Variants in SEPTIN7 observed in about 807,000 individuals in gnomAD.
The protein encoded by SEPTIN7 is septin 7.
SEPTIN7 carries 10 observed loss-of-function variants against 63.3 expected under a neutral mutation model. The ratio of observed to expected loss-of-function variants is 0.16; its 90% CI spans 0.10 to 0.27. The LOEUF is 0.27. Among genes scored for constraint, SEPTIN7 ranks in the 10% least tolerant of loss-of-function variants. The pLI is 1.00. For synonymous variants in SEPTIN7, 131 were observed against 165.3 expected (o/e 0.79, Z 1.59); for missense variants, 310 against 521.0 (o/e 0.59, Z 3.94).
rs1784574311 is a variant in SEPTIN7 at position 35,844,781 on chromosome 7, TTA to T, written c.169+11882_169+11883del. Among the ~76,000 whole-genome samples, 3 of 152,154 alleles carry T rather than the reference TTA, an allele frequency of 2.0e-5. No homozygotes were observed. The South Asian group carries it at 6.2e-4, about 32-fold the overall frequency. ...CCACACCAGGCTAATTTTTGTATTT[TTA>T]GTAAAGACAGGATTTCACCATGTTG... On this transcript the variant is annotated intron_variant, in intron 3 of 13. Coordinates refer to ENST00000350320, the MANE Select transcript of SEPTIN7 (RefSeq NM_001788.6).
rs188422849 is a variant in SEPTIN7, at chr7:35,871,485, A to G, written c.277-1181A>G. Among the ~76,000 whole-genome samples the G allele has an allele frequency of 3.3e-5, 5 of 152,370 alleles. No individual in the cohort carries two copies. In the East Asian group the frequency reaches 9.6e-4, roughly 29 times the overall value. ...CATGGACAAGTGGAAGGTGGTGTTC[A>G]GTTGCTGCTCATAATAGTTGATACC... On this transcript the variant is annotated intron_variant, in intron 4 of 13. Transcript: ENST00000350320.
At chr7:35,887,635 C>T (rs1477228049) in intron 10 of SEPTIN7, among the ~76,000 whole-genome samples, 2 of 152,168 alleles carry the variant, frequency 1.3e-5, no homozygotes, top group African/African-American at 4.8e-5. Flanking sequence ...GCTTGAGCCA[C>T]CACACCCACC....
intron 1 of SEPTIN7, among the ~76,000 whole-genome samples, chr7:35,816,473 G>A (rs2392386): frequency 0.99 from 150,472 of 152,308 alleles, 74,346 homozygotes; most frequent in East Asian, 1. Flanking sequence ...TCATTTATCC[G>A]TTAGTTGATA....
At chr7:35,837,327 A>G (rs1784129548) in intron 3 of SEPTIN7, among the ~76,000 whole-genome samples, 1 of 152,138 alleles carries the variant, frequency 6.6e-6, no homozygotes, top group South Asian at 2.1e-4. Context: ...TTATCTTGTG[A>G]TATCGTACGT....
chr7:35,911,824 G>T (rs1444984157), downstream of SEPTIN7, among the ~76,000 whole-genome samples: 4 of 152,168 alleles, frequency 2.6e-5, no homozygotes, highest in African/African-American at 9.7e-5. Context: ...CTACAAACTT[G>T]TTTTTGGATA....
chr7:35,873,204 A>G (rs1786263304), intron 5 of SEPTIN7, among the ~76,000 whole-genome samples: 1 of 152,034 alleles, frequency 6.6e-6, no homozygotes, highest in Non-Finnish European at 1.5e-5. Context: ...TTATCTTAGT[A>G]TTTTATAAAT....
At position 35,801,142 on chromosome 7, in the gene SEPTIN7, G is replaced by C. The variant is rs1787925144; in HGVS notation, c.-68G>C. 1 of 1,332,042 alleles carries C rather than the reference G, an allele frequency of 7.5e-7. No individual in the cohort carries two copies. The highest frequency in any genetic ancestry group is 1.0e-6 in the Non-Finnish European group (1 of 999,678). 82.5% of individuals were successfully genotyped at this position (1,332,042 alleles called of 1,614,324 possible). On this transcript the variant is annotated 5_prime_UTR_variant, in exon 1 of 14. Coordinates refer to ENST00000350320, the MANE Select transcript of SEPTIN7 (RefSeq NM_001788.6). ...CGCCGGGCGGCTACGCTGCGGAATC[G>C]GCGTAGGCGCCTTTGGAGAATCGGC...
chr7:35,894,231 C>A lies in SEPTIN7; in HGVS notation c.998+3438C>A, dbSNP rs1787827485. Among the ~76,000 whole-genome samples, 3 of 147,500 alleles carry A rather than the reference C, an allele frequency of 2.0e-5. No individual in the cohort carries two copies. In the South Asian group the frequency reaches 6.6e-4, roughly 33 times the overall value. ...TTAAAATCACATTTTATTGGTGACT[C>A]TTTTTCAGAACTGATGTCTATCATT... On this transcript the variant is annotated intron_variant, in intron 11 of 13. Coordinates refer to ENST00000350320, the MANE Select transcript of SEPTIN7 (RefSeq NM_001788.6).
At chr7:35,834,172 A>G (rs1482670795) in intron 3 of SEPTIN7, among the ~76,000 whole-genome samples, 1 of 152,004 alleles carries the variant, frequency 6.6e-6, no homozygotes, top group African/African-American at 2.4e-5. Flanking sequence ...TTACATATGT[A>G]ATATTAATAA....
intron 1 of SEPTIN7, among the ~76,000 whole-genome samples, chr7:35,829,799 A>G (rs1224281254): frequency 6.6e-6 from 1 of 152,228 alleles, no homozygotes; most frequent in Non-Finnish European, 1.5e-5. Flanking sequence ...GAAGAAGCAT[A>G]CAGCAGGCAG....
intron 1 of SEPTIN7, among the ~76,000 whole-genome samples, chr7:35,802,500 G>GA (rs1166292550): frequency 1.3e-5 from 2 of 152,076 alleles, no homozygotes; most frequent in Admixed American, 6.6e-5. Flanking sequence ...TTGATGAAAG[G>GA]AAAAAATATC....
intron 1 of SEPTIN7, among the ~76,000 whole-genome samples, chr7:35,805,432 A>C (rs1327323460): frequency 6.6e-6 from 1 of 152,180 alleles, no homozygotes; most frequent in Non-Finnish European, 1.5e-5. Context: ...ATAGACATAA[A>C]ATTATTCTGC....
At chr7:35,862,677 A>C (rs1228699402) in intron 3 of SEPTIN7, among the ~76,000 whole-genome samples, 4 of 152,164 alleles carry the variant, frequency 2.6e-5, no homozygotes, top group South Asian at 4.1e-4. Context: ...AATTCCTCCT[A>C]GACATAAAAA....
rs140285837 is a variant in SEPTIN7 at position 35,841,657 on chromosome 7, A to G, written c.169+8757A>G. Among the ~76,000 whole-genome samples, 522 of 152,306 alleles carry G rather than the reference A, an allele frequency of 3.4e-3. 1 individual carries two copies. The highest frequency in any genetic ancestry group is 6.2e-3 in the South Asian group (30 of 4,824). On this transcript the variant is annotated intron_variant, in intron 3 of 13. Transcript: ENST00000350320. ...TCACATTTGTTAATTTTAATTAGCT[A>G]GATGTTGGGACAGAAATATGAAGGC... is the stretch of plus-strand genomic sequence containing the variant.
chr7:35,890,234 C>G (rs557525481), intron 10 of SEPTIN7, among the ~76,000 whole-genome samples: 1 of 152,234 alleles, frequency 6.6e-6, no homozygotes, highest in South Asian at 2.1e-4. Context: ...GATATGTGAT[C>G]TGAAATTTAT....
intron 10 of SEPTIN7, among the ~76,000 whole-genome samples, chr7:35,888,147 G>A (rs898150659): frequency 6.6e-6 from 1 of 152,104 alleles, no homozygotes; most frequent in Non-Finnish European, 1.5e-5. Context: ...AACAGAAAGA[G>A]TTACGATATC....
At position 35,906,634 on chromosome 7, in the gene SEPTIN7, C is replaced by T. The variant is rs1788619208; in HGVS notation, c.*2341C>T. The T allele has an allele frequency of 6.6e-6, 1 of 152,202 alleles. No homozygotes were observed. 9.4% of individuals were successfully genotyped at this position (152,202 alleles called of 1,614,324 possible). Reference sequence around the variant, plus strand: ...CTTGTGGGTAGAGTTTTGCTGCCACCTAGTGGAATGGGATATCATTGCTTC... The same window carrying T: ...CTTGTGGGTAGAGTTTTGCTGCCACTTAGTGGAATGGGATATCATTGCTTC... On this transcript the variant is annotated 3_prime_UTR_variant, in exon 14 of 14. Coordinates refer to ENST00000350320, the MANE Select transcript of SEPTIN7 (RefSeq NM_001788.6).
At chr7:35,891,660 G>A (rs971726731) in intron 11 of SEPTIN7, among the ~76,000 whole-genome samples, 6 of 152,180 alleles carry the variant, frequency 3.9e-5, no homozygotes, top group Admixed American at 1.3e-4. Flanking sequence ...GTGAGTGAAC[G>A]TGAAGACCTA....
At chr7:35,891,674 C>T (rs188995837) in intron 11 of SEPTIN7, among the ~76,000 whole-genome samples, 1 of 152,260 alleles carries the variant, frequency 6.6e-6, no homozygotes, top group East Asian at 1.9e-4. Flanking sequence ...AGACCTAGGA[C>T]ATTACTGTAC....
Sources: gnomAD v4.1 joint callset for allele counts (sites outside exome capture counted in the v4.1 genomes callset) on GRCh38, gnomAD v4.1.1 for gene constraint, MANE v1.5 for transcripts, NCBI Gene and HGNC (gene_info 2026-07-23, HGNC 2026-07-21) for gene names.